Variants in NT5C3A observed in about 807,000 individuals in gnomAD.
NT5C3A encodes cytosolic 5'-nucleotidase 3A.
A neutral mutation model predicts 40.0 loss-of-function variants in NT5C3A; 23 were observed. The ratio of observed to expected loss-of-function variants is 0.58; its 90% CI spans 0.41 to 0.81. The LOEUF (loss-of-function observed/expected upper bound fraction) is 0.81, where lower values mean the gene tolerates loss of function less well. NT5C3A is among the 40% of genes least tolerant of loss of function. The pLI is 0.00. For missense variants in NT5C3A, 328 were observed against 403.0 expected, an observed-to-expected ratio of 0.81 and a Z score of 1.59; for synonymous variants, 130 against 141.4, an observed-to-expected ratio of 0.92 and a Z score of 0.57.
intron 1 of NT5C3A, among the ~76,000 whole-genome samples, chr7:33,052,597 A>G (rs1477944959): frequency 6.6e-6 from 1 of 151,990 alleles, no homozygotes; most frequent in Non-Finnish European, 1.5e-5. Context: ...ACTGCCTTTA[A>G]TAAAGTAAAT....
At chr7:33,018,016 A>G (rs1223359382) in intron 6 of NT5C3A, among the ~76,000 whole-genome samples, 1 of 152,206 alleles carries the variant, frequency 6.6e-6, no homozygotes, top group East Asian at 1.9e-4. Flanking sequence ...CCTGTCTCTA[A>G]AATGAAATTT....
chr7:33,025,008 A>G (rs2127998146), intron 2 of NT5C3A, among the ~76,000 whole-genome samples: 1 of 152,148 alleles, frequency 6.6e-6, no homozygotes, highest in East Asian at 1.9e-4. Flanking sequence ...GTGTGGTGGC[A>G]TGTGCCTGTA....
chr7:33,024,391 T>C (rs1785801289), intron 2 of NT5C3A, among the ~76,000 whole-genome samples: 4 of 152,310 alleles, frequency 2.6e-5, no homozygotes, highest in South Asian at 4.1e-4. Flanking sequence ...AAAGAGATGC[T>C]GTCATCTGCA....
intron 7 of NT5C3A, among the ~76,000 whole-genome samples, chr7:33,016,939 T>G (rs1346690366): frequency 6.6e-6 from 1 of 152,058 alleles, no homozygotes; most frequent in Non-Finnish European, 1.5e-5. Flanking sequence ...TCCCAGCACT[T>G]TGGGAGGCCA....
At chr7:33,015,611 G>T in intron 8 of NT5C3A, 59 bp downstream of exon 8, 1 of 1,094,042 alleles carries the variant, frequency 9.1e-7, no homozygotes, top group Non-Finnish European at 1.4e-6. Context: ...GGCAACAATT[G>T]CCTATCAAGT....
chr7:33,032,569 C>T, intron 1 of NT5C3A, among the ~76,000 whole-genome samples: 1 of 151,172 alleles, frequency 6.6e-6, no homozygotes, highest in Non-Finnish European at 1.5e-5. Flanking sequence ...GATCCCCCCA[C>T]CTCAGACTCT....
chr7:33,028,211 C>T (rs1786053240), intron 1 of NT5C3A, among the ~76,000 whole-genome samples: 1 of 152,138 alleles, frequency 6.6e-6, no homozygotes, highest in South Asian at 2.1e-4. Flanking sequence ...TGGAAGCTGA[C>T]GATCACTGGA....
intron 1 of NT5C3A, among the ~76,000 whole-genome samples, chr7:33,027,618 T>C (rs1301225726): frequency 6.6e-6 from 1 of 152,070 alleles, no homozygotes; most frequent in Non-Finnish European, 1.5e-5. Context: ...TCTATTAGTT[T>C]CATTTCTGTG....
In NT5C3A at chr7:33,022,081, T is replaced by G; in HGVS notation, c.326A>C (p.Lys109Thr). ...PTCHNIIDNC[K>T]LVTDECRKKL... The stretch of plus-strand genomic sequence containing the variant: ...TTTTCTACATTCATCTGTAACCAGC[T>G]TACAGTTGTCAATGATATCTAAAGA... Residue 109 changes from lysine to threonine, a missense_variant, in exon 4 of 9, where the codon AAG becomes ACG. By Grantham distance (78) the Lys-to-Thr change is moderately conservative. This residue lies in a region of NT5C3A where 280 missense variants were observed against 317.2 expected (regional missense o/e 0.88). Transcript: ENST00000610140. 3.3e-6 allele frequency: 5 copies of G among 1,530,352 alleles called. No individual in the cohort carries two copies. The highest frequency in any genetic ancestry group is 4.5e-6 in the Non-Finnish European group (5 of 1,104,878). 94.8% of individuals were successfully genotyped at this position (1,530,352 alleles called of 1,614,324 possible). A position where few individuals can be genotyped will look rare whatever the true frequency, so the allele number is the denominator to read the frequency against.
intron 1 of NT5C3A, among the ~76,000 whole-genome samples, chr7:33,055,099 C>A (rs1273020226): frequency 6.6e-6 from 1 of 152,036 alleles, no homozygotes; most frequent in African/African-American, 2.4e-5. Context: ...CCAAGGCGGG[C>A]GGATCACCTG....
chr7:33,053,725 A>C (rs1787463004), intron 1 of NT5C3A, among the ~76,000 whole-genome samples: 1 of 152,166 alleles, frequency 6.6e-6, no homozygotes, highest in Non-Finnish European at 1.5e-5. Context: ...AGTCAGAAAA[A>C]AATTTGTGAA....
chr7:33,053,001 T>C (rs1230300691), intron 1 of NT5C3A, among the ~76,000 whole-genome samples: 2 of 152,188 alleles, frequency 1.3e-5, no homozygotes, highest in South Asian at 2.1e-4. Flanking sequence ...CCTTCTCTAG[T>C]TGTCATGGTT....
rs572576883 is a variant in NT5C3A, at chr7:33,055,785, GTCTC to G, written c.138+6779_138+6782del. On this transcript the variant is annotated intron_variant, in intron 1 of 8. Coordinates refer to ENST00000610140, the MANE Select transcript of NT5C3A (RefSeq NM_001002010.5). ...TGTTTACTGAAGCCACTGTTTTGGGGTCTCTCTTTCTCTTAGTCAAGTGCAACTA... is the reference window on the plus strand; with the variant it reads ...TGTTTACTGAAGCCACTGTTTTGGGGTCTTTCTCTTAGTCAAGTGCAACTA... Among the ~76,000 whole-genome samples the G allele has an allele frequency of 1.0e-3, 157 of 152,262 alleles. 3 individuals are homozygous for G. The South Asian group carries it at 0.024, about 24-fold the overall frequency.
At chr7:33,029,625 T>C (rs985508538) in intron 1 of NT5C3A, 2 of 1,284,556 alleles carry the variant, frequency 1.6e-6, no homozygotes, top group African/African-American at 3.0e-5. Context: ...CCAAGATGTC[T>C]TACCTCAGGC....
intron 1 of NT5C3A, among the ~76,000 whole-genome samples, chr7:33,041,866 A>G (rs991735349): frequency 6.6e-6 from 1 of 152,204 alleles, no homozygotes; most frequent in Non-Finnish European, 1.5e-5. Flanking sequence ...AACCTTTATC[A>G]TTAGGGAACA....
intron 1 of NT5C3A, among the ~76,000 whole-genome samples, chr7:33,040,143 G>A (rs1426408098): frequency 6.6e-6 from 1 of 152,060 alleles, no homozygotes; most frequent in Non-Finnish European, 1.5e-5. Context: ...GAGATGCCGG[G>A]CTTGGATGCA....
intron 1 of NT5C3A, among the ~76,000 whole-genome samples, chr7:33,053,214 T>C (rs1393711671): frequency 3.3e-5 from 5 of 151,904 alleles, no homozygotes; most frequent in Non-Finnish European, 5.9e-5. Flanking sequence ...CGAGACAGAG[T>C]CTTGCTCTGT....
rs543643630 is a variant in NT5C3A at position 33,052,270 on chromosome 7, G to C, written c.138+10298C>G. Among the ~76,000 whole-genome samples the C allele has an allele frequency of 2.6e-5, 4 of 152,062 alleles. No homozygotes were observed. The South Asian group carries it at 6.2e-4, about 24-fold the overall frequency. On this transcript the variant is annotated intron_variant, in intron 1 of 8. Transcript: ENST00000610140. ...AGGCTGAGGCAGGTGGATCACCTGA[G>C]GTCAGGAGTTCGAGACCAGCTTGGC...
chr7:33,057,170 C>T (rs1235216185), intron 1 of NT5C3A, among the ~76,000 whole-genome samples: 1 of 151,946 alleles, frequency 6.6e-6, no homozygotes, highest in African/African-American at 2.4e-5. Flanking sequence ...GGCAATGCAC[C>T]CAGAGTTGGC....
Sources: allele counts gnomAD v4.1 joint callset (sites outside exome capture counted in the v4.1 genomes callset), GRCh38; gene constraint gnomAD v4.1.1; regional missense constraint gnomAD v4.1.1; transcripts MANE v1.5; gene names NCBI Gene and HGNC (gene_info 2026-07-23, HGNC 2026-07-21).